Variants in HMGN2 observed in about 807,000 individuals in gnomAD.
HMGN2 encodes the protein non-histone chromosomal protein HMG-17.
In HMGN2, 2 loss-of-function variants were observed where a neutral mutation model predicts 16.9. That is an observed-to-expected ratio of 0.12 (90% CI 0.05 to 0.37). The LOEUF (loss-of-function observed/expected upper bound fraction) is 0.37, where lower values mean the gene tolerates loss of function less well. Ranked by LOEUF, HMGN2 falls within the 10% of genes least tolerant of loss-of-function variation. HMGN2 has a pLI of 1.00. For synonymous variants in HMGN2, 31 were observed against 34.9 expected (o/e 0.89, Z 0.39); for missense variants, 90 against 106.0 (o/e 0.85, Z 0.66).
intron 1 of HMGN2, chr1:26,473,235 C>T: frequency 1.9e-6 from 1 of 532,746 alleles, no homozygotes; most frequent in Admixed American, 3.5e-5. Context: ...GTTGCTCCTG[C>T]CTGTCGCGGT....
At position 26,475,861 on chromosome 1, in the gene HMGN2, G is replaced by A. The variant is rs1177204605; in HGVS notation, c.*713G>A. The A allele has an allele frequency of 3.4e-6, 1 of 291,802 alleles. No individual in the cohort carries two copies. The highest frequency in any genetic ancestry group is 2.3e-5 in the African/African-American group (1 of 43,826). 18.1% of individuals were successfully genotyped at this position (291,802 alleles called of 1,614,324 possible). On this transcript the variant is annotated 3_prime_UTR_variant, in exon 6 of 6. Transcript: ENST00000361427. The stretch of plus-strand genomic sequence containing the variant: ...TTTTGGTAGTCCATTGAAGAAGGGA[G>A]TTTGAAAGTTGTTGTATACTGTTAA...
In HMGN2 at chr1:26,473,394, C is replaced by G. The variant is rs2075588722; in HGVS notation, c.16-89C>G. 5.2e-6 allele frequency: 5 copies of G among 961,902 alleles called. No individual in the cohort carries two copies. In the African/African-American group the frequency reaches 8.2e-5, roughly 16 times the overall value. 59.6% of individuals were successfully genotyped at this position (961,902 alleles called of 1,614,324 possible). A position where few individuals can be genotyped will look rare whatever the true frequency, so the allele number is the denominator to read the frequency against. On this transcript the variant is annotated intron_variant, in intron 1 of 5. Coordinates refer to ENST00000361427, the MANE Select transcript of HMGN2 (RefSeq NM_005517.4). Reference sequence around the variant, plus strand: ...CCTAGAAAAGTTGTGTGGACGACTGCTTTAATTTTCATTTTTAGCACTCTA... The same window carrying G: ...CCTAGAAAAGTTGTGTGGACGACTGGTTTAATTTTCATTTTTAGCACTCTA...
chr1:26,472,695 G>A, intron 1 of HMGN2, 68 bp downstream of exon 1: 5 of 1,403,246 alleles, frequency 3.6e-6, no homozygotes, highest in African/African-American at 1.5e-5. Flanking sequence ...CCTCCCTGGT[G>A]CAGGGAGCGA....
Position 26,473,854 on chromosome 1 carries a change from G to T in HMGN2, c.90+122G>T. On this transcript the variant is annotated intron_variant, in intron 3 of 5. Coordinates refer to ENST00000361427, the MANE Select transcript of HMGN2 (RefSeq NM_005517.4). ...GTTTTGAATCATTGCCTCTACTTGG[G>T]ACTCTTGCCCCTTTGGGTTTTGCTG... 5 of 1,046,326 alleles carry T rather than the reference G, an allele frequency of 4.8e-6. No homozygotes were observed. In the South Asian group the frequency reaches 6.7e-5, roughly 14 times the overall value. The allele number at this position is 1,046,326 out of a possible 1,614,324, so 64.8% of individuals were successfully genotyped here. A position where few individuals can be genotyped will look rare whatever the true frequency, so the allele number is the denominator to read the frequency against.
Position 26,476,411 on chromosome 1 carries a change from T to C in HMGN2, c.*1263T>C, listed in dbSNP as rs1406981916. ...TGTGAATGTGTACACAGTTGTCCAT[T>C]TGTAAGGTAGATGACACTTTGCTCC... is the stretch of plus-strand genomic sequence containing the variant. On this transcript the variant is annotated 3_prime_UTR_variant, in exon 6 of 6. Transcript: ENST00000361427. Among the ~76,000 whole-genome samples, 2 of 152,138 alleles carry C rather than the reference T, an allele frequency of 1.3e-5. No individual in the cohort carries two copies. Among genetic ancestry groups the C allele is most frequent in the Non-Finnish European group, 2.9e-5 (2 of 68,032 alleles).
chr1:26,474,198 TTAA>T, intron 4 of HMGN2, 63 bp downstream of exon 4: 1 of 1,212,566 alleles, frequency 8.2e-7, no homozygotes, highest in Non-Finnish European at 1.2e-6. Flanking sequence ...GTGCCTTAAC[TTAA>T]TTAGCATAAT....
intron 1 of HMGN2, among the ~76,000 whole-genome samples, chr1:26,472,850 A>G (rs2075581109): frequency 6.6e-6 from 1 of 151,262 alleles, no homozygotes; most frequent in African/African-American, 2.4e-5. Context: ...CGGCGGGAGG[A>G]GCCATGTTGG....
At chr1:26,473,041 G>GC (rs1010693942) in intron 1 of HMGN2, among the ~76,000 whole-genome samples, 1 of 168 alleles carries the variant, frequency 6.0e-3, no homozygotes, top group Admixed American at 0.062. Context: ...GCCGCCGTGA[G>GC]GGGCGGGGCT....
Position 26,472,496 on chromosome 1 carries a change from C to G in HMGN2, c.-117C>G. 1 of 1,269,120 alleles carries G rather than the reference C, an allele frequency of 7.9e-7. No homozygotes were observed. The highest frequency in any genetic ancestry group is 1.1e-6 in the Non-Finnish European group (1 of 907,444). The allele number at this position is 1,269,120 out of a possible 1,614,324, so 78.6% of individuals were successfully genotyped here. A position where few individuals can be genotyped will look rare whatever the true frequency, so the allele number is the denominator to read the frequency against. ...AGCGCTATAAAAACTTTATAAACCC[C>G]CCGGAGCCCGAGCAGTGTGAAGAAG... On this transcript the variant is annotated 5_prime_UTR_variant, in exon 1 of 6. Coordinates refer to ENST00000361427, the MANE Select transcript of HMGN2 (RefSeq NM_005517.4).
chr1:26,474,949 T>C, intron 5 of HMGN2, 164 bp from the exon 6 acceptor site: 2 of 636,772 alleles, frequency 3.1e-6, no homozygotes, highest in South Asian at 3.8e-5. Context: ...AGAGGAGAGG[T>C]GACTTAGCAA....
At position 26,473,547 on chromosome 1, in the gene HMGN2, A is replaced by G. The variant is rs1260354464; in HGVS notation, c.60+20A>G. On this transcript the variant is annotated intron_variant, in intron 2 of 5. Coordinates refer to ENST00000361427, the MANE Select transcript of HMGN2 (RefSeq NM_005517.4). ...GACGAAGTAAGTCATTCTCTCTTCA[A>G]GGGTCAAAGCCTTGGACTAGCAGAG... The G allele has an allele frequency of 5.0e-6, 8 of 1,607,124 alleles. No individual in the cohort carries two copies. Among genetic ancestry groups the G allele is most frequent in the Non-Finnish European group, 6.8e-6 (8 of 1,173,764 alleles).
At chr1:26,472,682 C>T (rs2075578723) in intron 1 of HMGN2, 55 bp downstream of exon 1, 1 of 1,468,292 alleles carries the variant, frequency 6.8e-7, no homozygotes, top group Non-Finnish European at 9.1e-7. Flanking sequence ...ACCGCCGCCG[C>T]CGCCTCCCTG....
At position 26,476,461 on chromosome 1, in the gene HMGN2, A is replaced by G. The variant is rs543099319; in HGVS notation, c.*1313A>G. 3.9e-5 allele frequency among the ~76,000 whole-genome samples: 6 copies of G among 152,318 alleles called. No individual in the cohort carries two copies. Among genetic ancestry groups the G allele is most frequent in the South Asian group, 2.1e-4 (1 of 4,824 alleles). ...CTAAGTAGACCTGCAAACAAAGACA[A>G]TGGGGTCTTTCCTGATTCCTTTAGT... On this transcript the variant is annotated 3_prime_UTR_variant, in exon 6 of 6. Transcript: ENST00000361427.
In HMGN2 at chr1:26,475,562, AC is replaced by A. The variant is rs1012667040; in HGVS notation, c.*418del. On this transcript the variant is annotated 3_prime_UTR_variant, in exon 6 of 6. Coordinates refer to ENST00000361427, the MANE Select transcript of HMGN2 (RefSeq NM_005517.4). The stretch of plus-strand genomic sequence containing the variant: ...AAGCCCAGACATCTGTTGAGACCTG[AC>A]CCCTAGTCATTGGTTACCAGTGTGT... 1 of 303,828 alleles carries A rather than the reference AC, an allele frequency of 3.3e-6. No homozygotes were observed. Among genetic ancestry groups the A allele is most frequent in the Admixed American group, 4.7e-5 (1 of 21,372 alleles). 18.8% of individuals were successfully genotyped at this position (303,828 alleles called of 1,614,324 possible).
At chr1:26,474,225 A>G in intron 4 of HMGN2, 90 bp downstream of exon 4, 1 of 926,294 alleles carries the variant, frequency 1.1e-6, no homozygotes, top group Non-Finnish European at 1.7e-6. Flanking sequence ...GCCTCCATTA[A>G]TGGAGGTTAT....
At chr1:26,473,917 T>G in intron 3 of HMGN2, 168 bp from the exon 4 acceptor site, 1 of 791,556 alleles carries the variant, frequency 1.3e-6, no homozygotes, top group Non-Finnish European at 2.0e-6. Context: ...AAGTGGGACA[T>G]TTGAGTGGGC....
rs1195640504 is a variant in HMGN2 at position 26,473,061 on chromosome 1, T to TACA, written c.16-422_16-421insACA. ...CGTGAGGGGCGGGGCTTGTGCGGTA[T>TACA]GGCCCCGCCCCCTCGCCCACGTTCC... On this transcript the variant is annotated intron_variant, in intron 1 of 5. Transcript: ENST00000361427. 10 of 246,650 alleles carry TACA rather than the reference T, an allele frequency of 4.1e-5. No individual in the cohort carries two copies. In the East Asian group the frequency reaches 8.5e-4, roughly 21 times the overall value. 15.3% of individuals were successfully genotyped at this position (246,650 alleles called of 1,614,324 possible).
At chr1:26,473,615 T>C in intron 2 of HMGN2, 88 bp downstream of exon 2, 1 of 1,552,630 alleles carries the variant, frequency 6.4e-7, no homozygotes, top group Non-Finnish European at 8.9e-7. Flanking sequence ...GTCCTGAATT[T>C]ACACTCCTAT....
Position 26,473,745 on chromosome 1 carries a change from T to A in HMGN2, c.90+13T>A. The stretch of plus-strand genomic sequence containing the variant: ...GAGGTTGTCTGCTGTAAGTGTATGC[T>A]TTTGAATTTTCGTGCTTGTCCCTGA... On this transcript the variant is annotated intron_variant, in intron 3 of 5. Transcript: ENST00000361427. The A allele has an allele frequency of 1.9e-6, 3 of 1,613,510 alleles. No homozygotes were observed. The highest frequency in any genetic ancestry group is 2.5e-6 in the Non-Finnish European group (3 of 1,179,534).
Sources: allele counts gnomAD v4.1 joint callset (sites outside exome capture counted in the v4.1 genomes callset), GRCh38; gene constraint gnomAD v4.1.1; transcripts MANE v1.5; gene names NCBI Gene and HGNC (gene_info 2026-07-23, HGNC 2026-07-21).